The following CDC7 variants were observed in gnomAD, a reference collection of about 807,000 sequenced individuals.
CDC7 encodes the protein cell division cycle 7-related protein kinase.
In CDC7, 34 loss-of-function variants were observed where a neutral mutation model predicts 53.5. The observed-to-expected ratio is 0.64, with a 90% CI of 0.48 to 0.85. CDC7 has a LOEUF of 0.85. CDC7 is among the 40% of genes least tolerant of loss of function. The pLI, the probability that CDC7 is intolerant of heterozygous loss-of-function variation, is 0.00. For missense variants in CDC7, 594 were observed against 679.7 expected, an observed-to-expected ratio of 0.87 and a Z score of 1.40; for synonymous variants, 211 against 222.8, an observed-to-expected ratio of 0.95 and a Z score of 0.47.
At chr1:91,508,536 C>A in intron 4 of CDC7, 139 bp downstream of exon 4, 1 of 610,006 alleles carries the variant, frequency 1.6e-6, no homozygotes, top group Non-Finnish European at 2.8e-6. Context: ...CTAGCACTTT[C>A]CTTCTAACCT....
intron 1 of CDC7, chr1:91,501,360 C>T: frequency 4.2e-6 from 1 of 237,710 alleles, no homozygotes; most frequent in East Asian, 8.6e-5. Flanking sequence ...TCGGCCCCTC[C>T]CCCACGCGGT....
intron 11 of CDC7, among the ~76,000 whole-genome samples, chr1:91,521,152 A>G (rs12025632): frequency 0.27 from 40,395 of 152,138 alleles, 5,715 homozygotes; most frequent in East Asian, 0.48. Flanking sequence ...CAACCCCAGG[A>G]TCAGTGGGTC....
rs768799588 is a variant in CDC7 at position 91,511,585 on chromosome 1, T to G, written c.336-12T>G. 16 of 1,545,448 alleles carry G rather than the reference T, an allele frequency of 1.0e-5. No individual in the cohort carries two copies. Among genetic ancestry groups the G allele is most frequent in the African/African-American group, 1.4e-5 (1 of 73,108 alleles). On this transcript the variant is annotated splice_polypyrimidine_tract_variant and intron_variant, in intron 4 of 11. Coordinates refer to ENST00000234626, the MANE Select transcript of CDC7 (RefSeq NM_003503.4). ...CTTTCTTCTAAAAGTTCCTTGTGCA[T>G]TTTTCCACTAGGGGGCAAGATAATG...
Position 91,514,849 on chromosome 1 carries a change from C to T in CDC7, c.949C>T (p.Leu317=). 1 of 1,611,218 alleles carries T rather than the reference C, an allele frequency of 6.2e-7. No individual in the cohort carries two copies. Residue 317 remains leucine (L), a synonymous_variant, in exon 9 of 12, where the codon CTG becomes TTG. Transcript: ENST00000234626. ...GAAGCAGTCAAAGACTGTGGATGTA[C>T]TGTCTAGAAAGTTAGCAACAAAAAA... ...LMKQSKTVDV[L]SRKLATKKKA...
chr1:91,511,522 G>T, intron 4 of CDC7, 75 bp from the exon 5 acceptor site: 1 of 916,308 alleles, frequency 1.1e-6, no homozygotes, highest in Non-Finnish European at 1.7e-6. Flanking sequence ...TAAAATTGCG[G>T]TTTTTAAAAT....
intron 1 of CDC7, chr1:91,501,334 A>T: frequency 4.8e-6 from 1 of 209,480 alleles, no homozygotes; most frequent in Non-Finnish European, 9.7e-6. Flanking sequence ...TCCTGACTTC[A>T]AACCGCCCCC....
At chr1:91,507,828 A>G (rs1667071628) in intron 2 of CDC7, 26 bp from the exon 3 acceptor site, 13 of 1,234,078 alleles carry the variant, frequency 1.1e-5, no homozygotes, top group Non-Finnish European at 1.4e-5. Flanking sequence ...ATTGATTAAA[A>G]CTCTAAATTT....
intron 2 of CDC7, among the ~76,000 whole-genome samples, chr1:91,506,778 C>T (rs955204475): frequency 2.0e-5 from 3 of 151,986 alleles, no homozygotes; most frequent in Non-Finnish European, 2.9e-5. Flanking sequence ...GGTGAAACCC[C>T]GTCTCTACTA....
chr1:91,511,080 T>G (rs1667263135), intron 4 of CDC7, among the ~76,000 whole-genome samples: 2 of 152,188 alleles, frequency 1.3e-5, no homozygotes, highest in Admixed American at 1.3e-4. Flanking sequence ...TTTAGATGCT[T>G]CTTTTACTGG....
At chr1:91,519,327 G>T (rs1449019889) in intron 10 of CDC7, among the ~76,000 whole-genome samples, 1 of 151,242 alleles carries the variant, frequency 6.6e-6, no homozygotes, top group Non-Finnish European at 1.5e-5. Flanking sequence ...TACTCAAGAG[G>T]CTGAAGCATG....
rs779072497 is a variant in CDC7, at chr1:91,511,791, A to T, written c.440A>T (p.Asn147Ile). 4 of 1,604,178 alleles carry T rather than the reference A, an allele frequency of 2.5e-6. No homozygotes were observed. Among genetic ancestry groups the T allele is most frequent in the East Asian group, 2.2e-5 (1 of 44,604 alleles). Residue 147 changes from asparagine to isoleucine, a missense_variant, in exon 6 of 12, where the codon AAT becomes ATT. Physicochemically the swap from Asn to Ile is moderately radical, Grantham distance 149. Transcript: ENST00000234626. ...GTAACTTTGTTTTAGGACATTCTGAATTCTCTTTCCTTTCAAGAAGTACGG... is the reference window on the plus strand; with the variant it reads ...GTAACTTTGTTTTAGGACATTCTGATTTCTCTTTCCTTTCAAGAAGTACGG... ...LEHESFLDIL[N>I]SLSFQEVREY...
At chr1:91,516,144 C>G (rs1490780806) in intron 10 of CDC7, among the ~76,000 whole-genome samples, 1 of 151,448 alleles carries the variant, frequency 6.6e-6, no homozygotes, top group Non-Finnish European at 1.5e-5. Flanking sequence ...ATCTTACCAT[C>G]TTGTAAATAA....
At chr1:91,501,386 G>C (rs1287213893) in intron 1 of CDC7, 1 of 265,446 alleles carries the variant, frequency 3.8e-6, no homozygotes, top group Non-Finnish European at 7.2e-6. Flanking sequence ...TGGCTGTGCC[G>C]GACTGGCAGC....
At chr1:91,521,394 A>G (rs549390083) in intron 11 of CDC7, among the ~76,000 whole-genome samples, 1 of 152,340 alleles carries the variant, frequency 6.6e-6, no homozygotes, top group South Asian at 2.1e-4. Context: ...CTAATCTACA[A>G]GAAAAACTTA....
rs1344689586 is a variant in CDC7 at position 91,513,326 on chromosome 1, C to T, written c.822+19C>T. On this transcript the variant is annotated intron_variant, in intron 7 of 11. Coordinates refer to ENST00000234626, the MANE Select transcript of CDC7 (RefSeq NM_003503.4). ...CGGAAAGGTTCTATCTCTTTTATTT[C>T]TTAAGTACCGACACTGTTTTAGAAA... The T allele has an allele frequency of 1.9e-6, 3 of 1,603,176 alleles. No homozygotes were observed. Among genetic ancestry groups the T allele is most frequent in the Admixed American group, 1.7e-5 (1 of 59,272 alleles).
intron 1 of CDC7, 168 bp from the exon 2 acceptor site, chr1:91,501,486 A>G: frequency 2.3e-6 from 1 of 439,588 alleles, no homozygotes; most frequent in Non-Finnish European, 4.1e-6. Flanking sequence ...CTGATAGGTG[A>G]AAATAAAGCA....
chr1:91,514,606 T>C (rs992785200), intron 8 of CDC7, among the ~76,000 whole-genome samples: 4 of 152,186 alleles, frequency 2.6e-5, no homozygotes, highest in Non-Finnish European at 2.9e-5. Context: ...TTGGCCAAGC[T>C]AGGACTAATT....
At chr1:91,513,431 AT>A (rs1467918843) in intron 7 of CDC7, 124 bp downstream of exon 7, 1 of 707,770 alleles carries the variant, frequency 1.4e-6, no homozygotes, top group Non-Finnish European at 2.3e-6. Flanking sequence ...TGCATTTGTT[AT>A]ATGTATTCAT....
At chr1:91,508,582 G>T (rs965055868) in intron 4 of CDC7, among the ~76,000 whole-genome samples, 185 bp downstream of exon 4, 4 of 152,154 alleles carry the variant, frequency 2.6e-5, no homozygotes, top group East Asian at 1.9e-4. Context: ...AATTCTTTTA[G>T]ATTGGATTTC....
Sources: gnomAD v4.1 joint callset for allele counts (sites outside exome capture counted in the v4.1 genomes callset) on GRCh38, gnomAD v4.1.1 for gene constraint, MANE v1.5 for transcripts, NCBI Gene and HGNC (gene_info 2026-07-23, HGNC 2026-07-21) for gene names.